Variants in ADAMTS18 observed in about 807,000 individuals in gnomAD.
ADAMTS18 encodes A disintegrin and metalloproteinase with thrombospondin motifs 18.
In ADAMTS18, 157 loss-of-function variants were observed where a neutral mutation model predicts 165.9. The observed-to-expected ratio is 0.95, with a 90% CI of 0.83 to 1.08. ADAMTS18 has a LOEUF of 1.08. Among genes scored for constraint, ADAMTS18 ranks in the 50% least tolerant of loss-of-function variants. The pLI is 0.00. For synonymous variants in ADAMTS18, 782 were observed against 578.2 expected, an observed-to-expected ratio of 1.35 and a Z score of -5.06; for missense variants, 2,040 against 1,534.0, an observed-to-expected ratio of 1.33 and a Z score of -5.51.
chr16:77,384,620 T>A lies in ADAMTS18; in HGVS notation c.496-16897A>T, dbSNP rs986359807. Among the ~76,000 whole-genome samples the A allele has an allele frequency of 4.3e-4, 66 of 152,314 alleles. 1 individual carries two copies. Among genetic ancestry groups the A allele is most frequent in the African/African-American group, 1.6e-3 (66 of 41,566 alleles). ...AAGCCATAAAAACCAATGTACGTTA[T>A]AGAAAACCCTGGCTAACACCCAACT... On this transcript the variant is annotated intron_variant, in intron 3 of 22. Coordinates refer to ENST00000282849, the MANE Select transcript of ADAMTS18 (RefSeq NM_199355.4).
chr16:77,349,703 G>C (rs2056528349), intron 10 of ADAMTS18, among the ~76,000 whole-genome samples: 1 of 152,046 alleles, frequency 6.6e-6, no homozygotes, highest in Non-Finnish European at 1.5e-5. Context: ...CTGTCTCCCG[G>C]GTGCATCCTT....
chr16:77,300,133 T>A lies in ADAMTS18; in HGVS notation c.2674+130A>T, dbSNP rs1232410424. ...ACTAATGCCATAATATTTGCTTTTATGGTGATGGTTCTCATAAAAGACAGT... is the reference window on the plus strand; with the variant it reads ...ACTAATGCCATAATATTTGCTTTTAAGGTGATGGTTCTCATAAAAGACAGT... On this transcript the variant is annotated intron_variant, in intron 17 of 22. Coordinates refer to ENST00000282849, the MANE Select transcript of ADAMTS18 (RefSeq NM_199355.4). 15 of 1,102,830 alleles carry A rather than the reference T, an allele frequency of 1.4e-5. 1 individual carries two copies. The East Asian group carries it at 3.8e-4, about 28-fold the overall frequency. The allele number at this position is 1,102,830 out of a possible 1,614,324, so 68.3% of individuals were successfully genotyped here.
At chr16:77,398,864 G>C (rs1206118224) in intron 3 of ADAMTS18, among the ~76,000 whole-genome samples, 1 of 152,208 alleles carries the variant, frequency 6.6e-6, no homozygotes, top group African/African-American at 2.4e-5. Flanking sequence ...CCTAAAGAGA[G>C]AGAAGACTGA....
rs1357311310 is a variant in ADAMTS18 at position 77,358,185 on chromosome 16, G to T, written c.1322+1133C>A. On this transcript the variant is annotated intron_variant, in intron 8 of 22. Transcript: ENST00000282849. ...AGTGTGCATGTGTGTCTAAATGTGT[G>T]TGTGTGTGTATAATAATGTTGGAAA... Among the ~76,000 whole-genome samples the T allele has an allele frequency of 2.6e-5, 4 of 152,138 alleles. No individual in the cohort carries two copies. The East Asian group carries it at 7.7e-4, about 29-fold the overall frequency.
At chr16:77,397,918 A>T (rs1246107993) in intron 3 of ADAMTS18, among the ~76,000 whole-genome samples, 2 of 152,206 alleles carry the variant, frequency 1.3e-5, no homozygotes, top group Non-Finnish European at 2.9e-5. Context: ...TATGTACAGC[A>T]AAATTGCTTT....
rs1346395079 is a variant in ADAMTS18 at position 77,321,136 on chromosome 16, C to G, written c.2230G>C (p.Asp744His). ...TTATAAAACTTGCAAGTTGAATTAT[C>G]ACCTTTGCAAACGCCACAAGCATCT... is the stretch of plus-strand genomic sequence containing the variant. ...VSDACGVCKG[D>H]NSTCKFYKGL... The change falls in exon 15 of 23, where the codon GAT (aspartate) becomes CAT (histidine). Residue 744 changes from aspartate to histidine, a missense_variant. By Grantham distance (81) the Asp-to-His change is moderately conservative. Transcript: ENST00000282849. 5 of 1,614,044 alleles carry G rather than the reference C, an allele frequency of 3.1e-6. No individual in the cohort carries two copies. Among genetic ancestry groups the G allele is most frequent in the Non-Finnish European group, 4.2e-6 (5 of 1,180,006 alleles).
At chr16:77,288,185 T>A (rs1193452567) in intron 22 of ADAMTS18, among the ~76,000 whole-genome samples, 2 of 152,134 alleles carry the variant, frequency 1.3e-5, no homozygotes, top group Non-Finnish European at 2.9e-5. Context: ...ACTTTCCCCA[T>A]CCTTCCAGGA....
chr16:77,403,523 T>C (rs941807958), intron 3 of ADAMTS18, among the ~76,000 whole-genome samples: 1 of 152,054 alleles, frequency 6.6e-6, no homozygotes, highest in Non-Finnish European at 1.5e-5. Context: ...GGAGAGAAGG[T>C]TTAGGGACCA....
chr16:77,300,134 G>C, intron 17 of ADAMTS18, 129 bp downstream of exon 17: 1 of 1,109,360 alleles, frequency 9.0e-7, no homozygotes, highest in South Asian at 1.4e-5. Flanking sequence ...TTGCTTTTAT[G>C]GTGATGGTTC....
At chr16:77,394,565 T>C (rs1290101535) in intron 3 of ADAMTS18, among the ~76,000 whole-genome samples, 2 of 152,116 alleles carry the variant, frequency 1.3e-5, no homozygotes, top group African/African-American at 2.4e-5. Context: ...TATTTAAAAA[T>C]ACCTTAATAT....
chr16:77,380,767 G>T lies in ADAMTS18; in HGVS notation c.496-13044C>A, dbSNP rs535301026. Among the ~76,000 whole-genome samples the T allele has an allele frequency of 8.5e-5, 13 of 152,178 alleles. No homozygotes were observed. The East Asian group carries it at 1.7e-3, about 20-fold the overall frequency. On this transcript the variant is annotated intron_variant, in intron 3 of 22. Coordinates refer to ENST00000282849, the MANE Select transcript of ADAMTS18 (RefSeq NM_199355.4). ...CTGCCTTCCTTTAACATACCCATCTGGGGGTCAGTGGTTCCTATGCACCAG... is the reference window on the plus strand; with the variant it reads ...CTGCCTTCCTTTAACATACCCATCTTGGGGTCAGTGGTTCCTATGCACCAG...
At chr16:77,394,838 C>T (rs187662786) in intron 3 of ADAMTS18, among the ~76,000 whole-genome samples, 10 of 152,226 alleles carry the variant, frequency 6.6e-5, no homozygotes, top group Admixed American at 5.9e-4. Flanking sequence ...CTTTAGCATC[C>T]GTGTTTTTAC....
chr16:77,416,532 C>A (rs566416885), intron 3 of ADAMTS18, among the ~76,000 whole-genome samples: 1 of 152,070 alleles, frequency 6.6e-6, no homozygotes, highest in African/African-American at 2.4e-5. Flanking sequence ...AATGGGAGTT[C>A]CCCTGCACAA....
At chr16:77,415,016 T>C (rs1032559940) in intron 3 of ADAMTS18, among the ~76,000 whole-genome samples, 4 of 152,168 alleles carry the variant, frequency 2.6e-5, no homozygotes, top group African/African-American at 9.7e-5. Context: ...AGGTGAGTAA[T>C]AACAAGACAA....
intron 3 of ADAMTS18, among the ~76,000 whole-genome samples, chr16:77,391,835 A>T (rs1263926993): frequency 1.3e-5 from 2 of 152,190 alleles, no homozygotes; most frequent in Admixed American, 1.3e-4. Flanking sequence ...AGTGATACAG[A>T]TATTTCACTT....
At position 77,367,599 on chromosome 16, in the gene ADAMTS18, G is replaced by C. The variant is rs1446626717; in HGVS notation, c.620C>G (p.Ala207Gly). 2.5e-6 allele frequency: 4 copies of C among 1,614,102 alleles called. No homozygotes were observed. The East Asian group carries it at 8.9e-5, about 36-fold the overall frequency. Reference sequence around the variant, plus strand: ...ACGGTACCGCTGGATCTTCTCCTCTGCTGTCCTTTTGTACAGTACGTGAGG... The same window carrying C: ...ACGGTACCGCTGGATCTTCTCCTCTCCTGTCCTTTTGTACAGTACGTGAGG... ...HHPHVLYKRT[A>G]EEKIQRYRGY... The change falls in exon 4 of 23, where the codon GCA becomes GGA. Residue 207 changes from alanine to glycine, a missense_variant. Ala to Gly is a moderately conservative substitution (Grantham distance 60). Coordinates refer to ENST00000282849, the MANE Select transcript of ADAMTS18 (RefSeq NM_199355.4).
intron 7 of ADAMTS18, among the ~76,000 whole-genome samples, chr16:77,360,412 A>G (rs561850195): frequency 6.6e-6 from 1 of 152,348 alleles, no homozygotes; most frequent in African/African-American, 2.4e-5. Context: ...AACCACAGAC[A>G]TATGGGAAGT....
Position 77,291,434 on chromosome 16 carries a change from C to G in ADAMTS18, c.3234G>C (p.Lys1078Asn), listed in dbSNP as rs1000338409. 1 of 1,614,198 alleles carries G rather than the reference C, an allele frequency of 6.2e-7. No individual in the cohort carries two copies. Among genetic ancestry groups the G allele is most frequent in the Non-Finnish European group, 8.5e-7 (1 of 1,180,012 alleles). Residue 1078 changes from lysine (K) to asparagine (N), a missense_variant, in exon 21 of 23, where the codon AAG becomes AAC. Lys to Asn is a moderately conservative substitution (Grantham distance 94, BLOSUM62 0). Coordinates refer to ENST00000282849, the MANE Select transcript of ADAMTS18 (RefSeq NM_199355.4). ...CGLGVRKREM[K>N]CSEKGFQGKL... ...TTCCCTGGAAGCCCTTCTCGCTGCA[C>G]TTCATCTCCCTCTTCCTCACACCCA...
chr16:77,355,334 C>T (rs2056613600), intron 9 of ADAMTS18, among the ~76,000 whole-genome samples: 1 of 151,910 alleles, frequency 6.6e-6, no homozygotes, highest in Admixed American at 6.6e-5. Context: ...TTATTAAAAG[C>T]ATTTTATATA....
Sources: allele counts gnomAD v4.1 joint callset (sites outside exome capture counted in the v4.1 genomes callset), GRCh38; gene constraint gnomAD v4.1.1; transcripts MANE v1.5; gene names NCBI Gene and HGNC (gene_info 2026-07-23, HGNC 2026-07-21).